The following RORA variants were observed in gnomAD, a reference collection of about 807,000 sequenced individuals.
The protein encoded by RORA is nuclear receptor ROR-alpha.
RORA carries 7 observed loss-of-function variants against 69.5 expected under a neutral mutation model. The ratio of observed to expected loss-of-function variants is 0.10; its 90% CI spans 0.06 to 0.19. The LOEUF is 0.19. Among genes scored for constraint, RORA ranks in the 10% least tolerant of loss-of-function variants. The probability of loss-of-function intolerance (pLI) is 1.00; values close to 1 mark genes in which losing one functional copy is unlikely to be tolerated. For synonymous variants in RORA, 261 were observed against 240.8 expected (o/e 1.08, Z -0.78); for missense variants, 457 against 663.0 (o/e 0.69, Z 3.41).
intron 1 of RORA, among the ~76,000 whole-genome samples, chr15:61,066,120 T>C (rs181120284): frequency 1.3e-5 from 2 of 152,310 alleles, no homozygotes; most frequent in East Asian, 1.9e-4. Context: ...CAATGGTATA[T>C]TGGCACTCAT....
chr15:61,004,810 A>T (rs763317930), intron 1 of RORA, among the ~76,000 whole-genome samples: 155 of 152,348 alleles, frequency 1.0e-3, no homozygotes, highest in Admixed American at 1.8e-3. Context: ...AAAATGTCGA[A>T]CCTCACTTAT....
chr15:60,616,911 C>T (rs1417068088), intron 2 of RORA, among the ~76,000 whole-genome samples: 1 of 152,096 alleles, frequency 6.6e-6, no homozygotes, highest in Non-Finnish European at 1.5e-5. Context: ...AGGTTGAGTT[C>T]TCAGAGAAAA....
At chr15:61,116,591 T>C (rs886205736) in intron 1 of RORA, among the ~76,000 whole-genome samples, 27 of 152,182 alleles carry the variant, frequency 1.8e-4, no homozygotes, top group Admixed American at 6.5e-5. Flanking sequence ...AATGTGACAC[T>C]TTCAAATTGG....
chr15:60,721,005 CG>C (rs999794800), intron 1 of RORA, among the ~76,000 whole-genome samples: 3 of 152,120 alleles, frequency 2.0e-5, no homozygotes, highest in Non-Finnish European at 4.4e-5. Flanking sequence ...AGAGTCTCCC[CG>C]CACACTGTTT....
intron 3 of RORA, chr15:60,530,809 G>C (rs1206657072): frequency 6.6e-6 from 1 of 152,224 alleles, no homozygotes; most frequent in Non-Finnish European, 1.5e-5. Context: ...CCTTAGGGCT[G>C]ATTCAGGCCT....
rs117618303 is a variant in RORA at position 60,721,554 on chromosome 15, C to T, written c.167-42868G>A. Among the ~76,000 whole-genome samples the T allele has an allele frequency of 6.5e-3, 992 of 152,286 alleles. 29 individuals carry two copies. In the East Asian group the frequency reaches 0.085, roughly 13 times the overall value. On this transcript the variant is annotated intron_variant, in intron 1 of 10. Transcript: ENST00000335670. ...ATGTGGAATTCACAGTATGAAGTGC[C>T]GTGGGGCAGGCAGACCTGGGTACCC...
At chr15:61,074,756 CAACT>C (rs2078422967) in intron 1 of RORA, among the ~76,000 whole-genome samples, 1 of 152,146 alleles carries the variant, frequency 6.6e-6, no homozygotes, top group South Asian at 2.1e-4. Context: ...CTGTGGACTG[CAACT>C]AACTCACAGG....
In RORA at chr15:60,877,008, G is replaced by A. The variant is rs1021432275; in HGVS notation, c.167-198322C>T. 3.9e-5 allele frequency among the ~76,000 whole-genome samples: 6 copies of A among 152,038 alleles called. No homozygotes were observed. In the East Asian group the frequency reaches 1.2e-3, roughly 29 times the overall value. ...CAGGAAAAATAACTAATGGGTACTGGGCTTAATACTTGGGTGATGAAATAA... is the reference window on the plus strand; with the variant it reads ...CAGGAAAAATAACTAATGGGTACTGAGCTTAATACTTGGGTGATGAAATAA... On this transcript the variant is annotated intron_variant, in intron 1 of 10. Coordinates refer to ENST00000335670, the MANE Select transcript of RORA (RefSeq NM_134261.3).
At chr15:61,198,472 G>A (rs2079864744) in intron 1 of RORA, among the ~76,000 whole-genome samples, 1 of 152,120 alleles carries the variant, frequency 6.6e-6, no homozygotes, top group South Asian at 2.1e-4. Context: ...CCGCAGAATT[G>A]TACTAGGAGG....
In RORA at chr15:60,489,494, C is replaced by T. The variant is rs1266737431; in HGVS notation, c.*7961G>A. ...AATCAATATTTAATAAGGTTAACTA[C>T]ATCCTTAGTTAGATATTTGATAAAC... On this transcript the variant is annotated 3_prime_UTR_variant, in exon 11 of 11. Transcript: ENST00000335670. 6.6e-6 allele frequency: 1 copy of T among 152,198 alleles called. No individual in the cohort carries two copies. The highest frequency in any genetic ancestry group is 1.5e-5 in the Non-Finnish European group (1 of 68,030). The allele number at this position is 152,198 out of a possible 1,614,324, so 9.4% of individuals were successfully genotyped here.
chr15:61,025,368 T>G (rs925002883), intron 1 of RORA, among the ~76,000 whole-genome samples: 1 of 152,190 alleles, frequency 6.6e-6, no homozygotes, highest in Admixed American at 6.5e-5. Context: ...TCAAGGGCTG[T>G]GGTCCCAGGT....
intron 3 of RORA, among the ~76,000 whole-genome samples, chr15:60,522,464 C>T (rs12440129): frequency 0.5 from 76,513 of 151,764 alleles, 22,985 homozygotes; most frequent in East Asian, 0.82. Context: ...AATCCCAATA[C>T]TTTGAGAGGC....
chr15:60,552,208 C>T (rs916542075), intron 2 of RORA, among the ~76,000 whole-genome samples: 4 of 152,132 alleles, frequency 2.6e-5, no homozygotes, highest in Non-Finnish European at 4.4e-5. Context: ...GAAATTACAC[C>T]ATGTCTTTTT....
At chr15:61,014,263 C>T (rs1309012892) in intron 1 of RORA, among the ~76,000 whole-genome samples, 2 of 152,228 alleles carry the variant, frequency 1.3e-5, no homozygotes, top group Non-Finnish European at 2.9e-5. Context: ...TTGAGAGTTA[C>T]TGTTGAGATT....
chr15:60,823,373 A>G (rs1469417654), intron 1 of RORA, among the ~76,000 whole-genome samples: 1 of 152,156 alleles, frequency 6.6e-6, no homozygotes, highest in East Asian at 1.9e-4. Flanking sequence ...TTTCTCTCAT[A>G]GCACTCTATT....
intron 1 of RORA, among the ~76,000 whole-genome samples, chr15:60,779,780 A>T (rs1183769974): frequency 1.3e-5 from 2 of 152,222 alleles, no homozygotes; most frequent in African/African-American, 2.4e-5. Flanking sequence ...AATTGCTGTA[A>T]ACTGATAAGC....
chr15:60,636,523 G>A (rs1302460689), intron 2 of RORA, among the ~76,000 whole-genome samples: 2 of 152,136 alleles, frequency 1.3e-5, no homozygotes, highest in Non-Finnish European at 2.9e-5. Context: ...ACCACTCTTG[G>A]CTTAGAAGTA....
At chr15:60,884,275 C>G (rs957410745) in intron 1 of RORA, among the ~76,000 whole-genome samples, 4 of 151,546 alleles carry the variant, frequency 2.6e-5, no homozygotes, top group African/African-American at 4.8e-5. Flanking sequence ...TCTGGAACAA[C>G]CTAAAAAGAC....
chr15:61,071,039 T>A (rs2078335204), intron 1 of RORA, among the ~76,000 whole-genome samples: 1 of 151,514 alleles, frequency 6.6e-6, no homozygotes, highest in Admixed American at 6.6e-5. Context: ...AAAGCCATAG[T>A]GTAATTGCAA....
Sources: gnomAD v4.1 joint callset for allele counts (sites outside exome capture counted in the v4.1 genomes callset) on GRCh38, gnomAD v4.1.1 for gene constraint, MANE v1.5 for transcripts, NCBI Gene and HGNC (gene_info 2026-07-23, HGNC 2026-07-21) for gene names.